Variants in CTSE observed in about 807,000 individuals in gnomAD.
CTSE encodes cathepsin E.
A neutral mutation model predicts 42.8 loss-of-function variants in CTSE; 43 were observed. The observed-to-expected ratio is 1.01, with a 90% CI of 0.79 to 1.30. CTSE has a LOEUF of 1.30. CTSE is among the 50% of genes most tolerant of loss of function. CTSE has a pLI of 0.00. For missense variants in CTSE, 532 were observed against 493.5 expected, an observed-to-expected ratio of 1.08 and a Z score of -0.74; for synonymous variants, 205 against 191.5, an observed-to-expected ratio of 1.07 and a Z score of -0.58.
At chr1:206,012,883 T>C (rs1177685847) in intron 6 of CTSE, among the ~76,000 whole-genome samples, 1 of 152,098 alleles carries the variant, frequency 6.6e-6, no homozygotes, top group Non-Finnish European at 1.5e-5. Flanking sequence ...TTTTCTACTG[T>C]ATTCCAATTC....
intron 4 of CTSE, among the ~76,000 whole-genome samples, chr1:206,019,529 C>G (rs1661352504): frequency 6.6e-6 from 1 of 151,886 alleles, no homozygotes; most frequent in Admixed American, 6.6e-5. Flanking sequence ...TGCTGCCCTA[C>G]ACCAGCCAGG....
Position 206,016,055 on chromosome 1 carries a change from C to T in CTSE, c.538G>A (p.Glu180Lys). The change falls in exon 5 of 9, where the codon GAG (glutamate) becomes AAG (lysine). Residue 180 changes from glutamate to lysine, a missense_variant. Physicochemically the swap from Glu to Lys is moderately conservative, Grantham distance 56. Coordinates refer to ENST00000358184, the MANE Select transcript of CTSE (RefSeq NM_001910.4). ...CCCAGGCCCAGAATTCCATCAAACT[C>T]TGCATCCACAAAGGTCTGGCCTGGC... ...TEPGQTFVDAEFDGILGLGYP... is the reference protein window; with the variant it reads ...TEPGQTFVDAKFDGILGLGYP... 6.2e-7 allele frequency: 1 copy of T among 1,613,992 alleles called. No homozygotes were observed. The highest frequency in any genetic ancestry group is 1.3e-5 in the African/African-American group (1 of 75,048).
In CTSE at chr1:206,013,782, C is replaced by T; in HGVS notation, c.775G>A (p.Ala259Thr). 6.2e-7 allele frequency: 1 copy of T among 1,613,732 alleles called. No individual in the cohort carries two copies. The highest frequency in any genetic ancestry group is 2.2e-5 in the East Asian group (1 of 44,878). The change falls in exon 6 of 9, where the codon GCA (alanine) becomes ACA (threonine). Residue 259 changes from alanine to threonine, a missense_variant. Transcript: ENST00000358184. Reference protein sequence around the residue: ...PVTKQAYWQIALDNIQVGGTV... With the variant: ...PVTKQAYWQITLDNIQVGGTV... ...ATGGGGAATACTCACTTATCCAGTG[C>T]AATCTGCCAGTAAGCTTGCTTGGTG...
intron 6 of CTSE, among the ~76,000 whole-genome samples, chr1:206,013,232 C>T (rs1661167194): frequency 6.6e-6 from 1 of 152,024 alleles, no homozygotes; most frequent in Non-Finnish European, 1.5e-5. Flanking sequence ...TCCCCAATTG[C>T]TTCGTGCCCA....
At position 206,012,416 on chromosome 1, in the gene CTSE, A is replaced by G. The variant is rs782782476; in HGVS notation, c.928-10T>C. On this transcript the variant is annotated splice_polypyrimidine_tract_variant and intron_variant, in intron 7 of 8. Transcript: ENST00000358184. ...CACACTCCACAGCATACTAAAACCC[A>G]ATACGGAGGATCCGTTTAGAGCCTT... 1.2e-6 allele frequency: 2 copies of G among 1,613,900 alleles called. No homozygotes were observed. The highest frequency in any genetic ancestry group is 1.7e-6 in the Non-Finnish European group (2 of 1,179,830).
At chr1:206,010,561 T>C (rs116800230) in intron 8 of CTSE, among the ~76,000 whole-genome samples, 343 of 152,190 alleles carry the variant, frequency 2.3e-3, no homozygotes, top group African/African-American at 7.8e-3. Flanking sequence ...TCCATTCTTA[T>C]GGGCCTGGGG....
chr1:206,019,637 G>C (rs569415107), intron 4 of CTSE, among the ~76,000 whole-genome samples: 1 of 151,174 alleles, frequency 6.6e-6, no homozygotes, highest in East Asian at 1.9e-4. Context: ...GTGATGATCA[G>C]TTAGGGATGT....
intron 8 of CTSE, among the ~76,000 whole-genome samples, chr1:206,012,067 C>T (rs1471201640): frequency 4.6e-5 from 7 of 152,078 alleles, no homozygotes; most frequent in Non-Finnish European, 1.0e-4. Context: ...CAGAAGACTT[C>T]CTTAAATGGC....
intron 5 of CTSE, among the ~76,000 whole-genome samples, chr1:206,014,749 T>A (rs1284415447): frequency 6.6e-6 from 1 of 152,066 alleles, no homozygotes; most frequent in Non-Finnish European, 1.5e-5. Context: ...GCCTTGATAT[T>A]CTCCATTACA....
At chr1:206,011,350 C>T (rs1558149692) in intron 8 of CTSE, among the ~76,000 whole-genome samples, 4 of 151,996 alleles carry the variant, frequency 2.6e-5, no homozygotes, top group East Asian at 3.8e-4. Flanking sequence ...CAGTGATTTC[C>T]ACCTGGGCAG....
Position 206,018,182 on chromosome 1 carries a change from G to A in CTSE, c.463-2052C>T, listed in dbSNP as rs192565076. On this transcript the variant is annotated intron_variant, in intron 4 of 8. Transcript: ENST00000358184. ...AGAGTTTTTCTTGAAGTCATGAATAGATATTGAATGTTATTAACCTACTAA... is the reference window on the plus strand; with the variant it reads ...AGAGTTTTTCTTGAAGTCATGAATAAATATTGAATGTTATTAACCTACTAA... Among the ~76,000 whole-genome samples, 186 of 152,062 alleles carry A rather than the reference G, an allele frequency of 1.2e-3. 1 individual carries two copies. The highest frequency in any genetic ancestry group is 4.0e-3 in the African/African-American group (167 of 41,534).
intron 4 of CTSE, among the ~76,000 whole-genome samples, chr1:206,018,149 G>A (rs529972174): frequency 2.6e-5 from 4 of 152,026 alleles, no homozygotes; most frequent in East Asian, 3.9e-4. Flanking sequence ...TCTACTCCTA[G>A]TTTGCTAAGA....
Position 206,010,206 on chromosome 1 carries a change from C to T in CTSE, c.1168G>A (p.Gly390Arg), listed in dbSNP as rs1661048148. The part of the protein sequence containing the change: ...SVFDRGNNRV[G>R]LAPAVP ...CCTTAGGGGACTGCTGGGGCCAGTC[C>T]CACACGGTTATTCCCACGGTCAAAG... is the stretch of plus-strand genomic sequence containing the variant. Residue 390 changes from glycine to arginine, a missense_variant, in exon 9 of 9, where the codon GGA (glycine) becomes AGA (arginine). Transcript: ENST00000358184. The T allele has an allele frequency of 2.5e-6, 4 of 1,613,736 alleles. No homozygotes were observed. In the East Asian group the frequency reaches 8.9e-5, roughly 36 times the overall value.
intron 7 of CTSE, 42 bp downstream of exon 7, chr1:206,012,466 C>T: frequency 6.2e-7 from 1 of 1,613,868 alleles, no homozygotes; most frequent in Non-Finnish European, 8.5e-7. Context: ...GAAGGCCTGG[C>T]TCTCCTGTCC....
rs1028392264 is a variant in CTSE at position 206,022,753 on chromosome 1, C to A, written c.225+148G>T. 7 of 758,602 alleles carry A rather than the reference C, an allele frequency of 9.2e-6. No individual in the cohort carries two copies. In the Admixed American group the frequency reaches 1.0e-4, roughly 11 times the overall value. The allele number at this position is 758,602 out of a possible 1,614,324, so 47.0% of individuals were successfully genotyped here. ...GCCTGCTTAGCCAACTCCATGGGGACCCAGGGAATCAGTCCCCATGGATCA... is the reference window on the plus strand; with the variant it reads ...GCCTGCTTAGCCAACTCCATGGGGAACCAGGGAATCAGTCCCCATGGATCA... On this transcript the variant is annotated intron_variant, in intron 2 of 8. Transcript: ENST00000358184.
intron 5 of CTSE, 61 bp downstream of exon 5, chr1:206,015,870 G>T: frequency 6.7e-7 from 1 of 1,484,776 alleles, no homozygotes; most frequent in Non-Finnish European, 9.3e-7. Flanking sequence ...TAAGTCAAGT[G>T]TATGTGTTGT....
In CTSE at chr1:206,012,611, C is replaced by G. The variant is rs782045387; in HGVS notation, c.824G>C (p.Gly275Ala). 6 of 1,613,878 alleles carry G rather than the reference C, an allele frequency of 3.7e-6. No individual in the cohort carries two copies. In the South Asian group the frequency reaches 5.5e-5, roughly 15 times the overall value. The change falls in exon 7 of 9, where the codon GGC becomes GCC. Residue 275 changes from glycine to alanine, a missense_variant. By Grantham distance (60) the Gly-to-Ala change is moderately conservative. Coordinates refer to ENST00000358184, the MANE Select transcript of CTSE (RefSeq NM_001910.4). ...VGGTVMFCSE[G>A]CQAIVDTGTS... is the part of the protein sequence containing the mutation. Reference sequence around the variant, plus strand: ...CCCTGTGTCCACAATGGCCTGGCAGCCCTCGGAGCAGAACATAACAGTGCC... The same window carrying G: ...CCCTGTGTCCACAATGGCCTGGCAGGCCTCGGAGCAGAACATAACAGTGCC...
chr1:206,021,837 C>T (rs1264320600), intron 3 of CTSE, among the ~76,000 whole-genome samples: 2 of 152,094 alleles, frequency 1.3e-5, no homozygotes, highest in African/African-American at 2.4e-5. Context: ...ACTTCCCCTA[C>T]ATTCCTTTGG....
chr1:206,014,717 T>C (rs1218738368), intron 5 of CTSE, among the ~76,000 whole-genome samples: 1 of 152,062 alleles, frequency 6.6e-6, no homozygotes. Context: ...AGGATTCAAA[T>C]CCAGGCCAGT....
Sources: gnomAD v4.1 joint callset for allele counts (sites outside exome capture counted in the v4.1 genomes callset) on GRCh38, gnomAD v4.1.1 for gene constraint, MANE v1.5 for transcripts, NCBI Gene and HGNC (gene_info 2026-07-23, HGNC 2026-07-21) for gene names.